The following OSBPL6 variants were observed in gnomAD, a reference collection of about 807,000 sequenced individuals.
OSBPL6 encodes oxysterol-binding protein-related protein 6.
A neutral mutation model predicts 125.8 loss-of-function variants in OSBPL6; 49 were observed. The observed-to-expected ratio is 0.39, with a 90% CI of 0.31 to 0.49. OSBPL6 has a LOEUF of 0.49. Ranked by LOEUF, OSBPL6 falls within the 20% of genes least tolerant of loss-of-function variation. The pLI, the probability that OSBPL6 is intolerant of heterozygous loss-of-function variation, is 0.88. For synonymous variants in OSBPL6, 394 were observed against 391.8 expected (o/e 1.01, Z -0.07); for missense variants, 986 against 1,135.4 (o/e 0.87, Z 1.89).
At chr2:178,391,353 A>T (rs912504824) in intron 22 of OSBPL6, 136 bp downstream of exon 22, 16 of 858,032 alleles carry the variant, frequency 1.9e-5, no homozygotes, top group Admixed American at 3.4e-5. Flanking sequence ...GCTTATGGCA[A>T]TTATAGTTAC....
chr2:178,379,316 A>AGGGAGG (rs1327169013), intron 15 of OSBPL6, among the ~76,000 whole-genome samples: 16 of 114,226 alleles, frequency 1.4e-4, no homozygotes, highest in Non-Finnish European at 2.8e-4. Flanking sequence ...AGAAACAGGA[A>AGGGAGG]GGAAGGAAGG....
intron 2 of OSBPL6, among the ~76,000 whole-genome samples, chr2:178,296,301 G>A (rs1458487897): frequency 3.3e-5 from 5 of 152,142 alleles, no homozygotes; most frequent in Non-Finnish European, 5.9e-5. Context: ...CCCAAGCTTG[G>A]GGTTTGTGAA....
At chr2:178,235,652 T>C (rs1461986008) in intron 1 of OSBPL6, among the ~76,000 whole-genome samples, 7 of 152,132 alleles carry the variant, frequency 4.6e-5, no homozygotes, top group African/African-American at 1.4e-4. Context: ...GTGATCTGCC[T>C]GCCTTGGCCT....
chr2:178,330,494 C>T (rs769024731), intron 5 of OSBPL6, among the ~76,000 whole-genome samples: 17 of 152,178 alleles, frequency 1.1e-4, no homozygotes, highest in Non-Finnish European at 2.1e-4. Context: ...TGTTTTTCAA[C>T]CGTAGAGACT....
At chr2:178,243,413 A>G (rs1028308626) in intron 1 of OSBPL6, among the ~76,000 whole-genome samples, 1 of 152,140 alleles carries the variant, frequency 6.6e-6, no homozygotes, top group Non-Finnish European at 1.5e-5. Flanking sequence ...CTACTTGCCA[A>G]CTAAGCCTGT....
chr2:178,357,893 A>T (rs963704269), intron 12 of OSBPL6, among the ~76,000 whole-genome samples: 2 of 152,242 alleles, frequency 1.3e-5, no homozygotes, highest in African/African-American at 4.8e-5. Flanking sequence ...ACCATGGAAT[A>T]CTATGCAGCC....
intron 1 of OSBPL6, among the ~76,000 whole-genome samples, chr2:178,239,825 C>G (rs2091216735): frequency 6.6e-6 from 1 of 151,468 alleles, no homozygotes; most frequent in African/African-American, 2.4e-5. Context: ...GATGGGGTTT[C>G]ACTGTGTTAG....
chr2:178,336,011 A>G (rs957059088), intron 8 of OSBPL6, among the ~76,000 whole-genome samples: 1 of 152,202 alleles, frequency 6.6e-6, no homozygotes, highest in African/African-American at 2.4e-5. Context: ...TTACTCAGCG[A>G]TTAAAAATTA....
chr2:178,352,008 C>T (rs1691305232), intron 12 of OSBPL6, among the ~76,000 whole-genome samples: 1 of 152,120 alleles, frequency 6.6e-6, no homozygotes, highest in Non-Finnish European at 1.5e-5. Flanking sequence ...CTAAAAAAGG[C>T]TCATACTACC....
At chr2:178,341,283 C>T (rs1690166057) in intron 11 of OSBPL6, among the ~76,000 whole-genome samples, 1 of 151,346 alleles carries the variant, frequency 6.6e-6, no homozygotes, top group Non-Finnish European at 1.5e-5. Flanking sequence ...GTTCAATGTC[C>T]CAGCTACCTT....
intron 1 of OSBPL6, among the ~76,000 whole-genome samples, chr2:178,260,090 C>T (rs890610485): frequency 1.3e-5 from 2 of 152,180 alleles, no homozygotes; most frequent in African/African-American, 4.8e-5. Context: ...AACTGTTCCA[C>T]ATTAAGGCCT....
At chr2:178,353,690 C>A (rs1262756261) in intron 12 of OSBPL6, among the ~76,000 whole-genome samples, 1 of 152,096 alleles carries the variant, frequency 6.6e-6, no homozygotes, top group Non-Finnish European at 1.5e-5. Flanking sequence ...TTATCCAGAA[C>A]TTCCCCAACC....
intron 20 of OSBPL6, among the ~76,000 whole-genome samples, chr2:178,388,653 T>G (rs149442971): frequency 2.0e-5 from 3 of 152,162 alleles, no homozygotes. Flanking sequence ...CATCCCACGT[T>G]CCAGGTAGAT....
chr2:178,339,270 A>G (rs1028036833), intron 10 of OSBPL6, among the ~76,000 whole-genome samples, 176 bp downstream of exon 10: 9 of 141,558 alleles, frequency 6.4e-5, no homozygotes, highest in African/African-American at 2.2e-4. Flanking sequence ...GTGTGTTAAG[A>G]TGATTATTTT....
intron 1 of OSBPL6, among the ~76,000 whole-genome samples, chr2:178,274,874 A>C (rs546036539): frequency 1.3e-5 from 2 of 152,294 alleles, no homozygotes; most frequent in Admixed American, 1.3e-4. Context: ...TGAGCAGTTT[A>C]AAAATTGTCC....
chr2:178,214,283 G>T (rs1049543744), intron 1 of OSBPL6, among the ~76,000 whole-genome samples: 1 of 152,192 alleles, frequency 6.6e-6, no homozygotes, highest in African/African-American at 2.4e-5. Context: ...AGGCAATCCT[G>T]TAAAGGCCTT....
rs924261562 is a variant in OSBPL6 at position 178,313,986 on chromosome 2, G to A, written c.102+7700G>A. ...TCTCTCATCAACATCTATCCTTTATGTGCAAAGTTTTCATAACAAGTTTTC... is the reference window on the plus strand; with the variant it reads ...TCTCTCATCAACATCTATCCTTTATATGCAAAGTTTTCATAACAAGTTTTC... On this transcript the variant is annotated intron_variant, in intron 3 of 24. Transcript: ENST00000190611. Among the ~76,000 whole-genome samples, 7 of 152,300 alleles carry A rather than the reference G, an allele frequency of 4.6e-5. No homozygotes were observed. The East Asian group carries it at 7.7e-4, about 17-fold the overall frequency.
chr2:178,325,612 A>G (rs1688633186), intron 4 of OSBPL6, among the ~76,000 whole-genome samples: 1 of 152,218 alleles, frequency 6.6e-6, no homozygotes. Flanking sequence ...AATAAATAAA[A>G]GGGCAATGGA....
Position 178,395,657 on chromosome 2 carries a change from C to G in OSBPL6, c.*98C>G. On this transcript the variant is annotated 3_prime_UTR_variant, in exon 25 of 25. Coordinates refer to ENST00000190611, the MANE Select transcript of OSBPL6 (RefSeq NM_032523.4). ...TAGCTATGTGTGGTTTCTGGGTCAA[C>G]TGAAAACCTACCATTTGCTTTTCTA... is the stretch of plus-strand genomic sequence containing the variant. 3 of 870,042 alleles carry G rather than the reference C, an allele frequency of 3.4e-6. No homozygotes were observed. Among genetic ancestry groups the G allele is most frequent in the Non-Finnish European group, 5.4e-6 (3 of 558,618 alleles). 53.9% of individuals were successfully genotyped at this position (870,042 alleles called of 1,614,324 possible). A position where few individuals can be genotyped will look rare whatever the true frequency, so the allele number is the denominator to read the frequency against.
Sources: allele counts gnomAD v4.1 joint callset (sites outside exome capture counted in the v4.1 genomes callset), GRCh38; gene constraint gnomAD v4.1.1; transcripts MANE v1.5; gene names NCBI Gene and HGNC (gene_info 2026-07-23, HGNC 2026-07-21).